SEMA6D: variants seen among roughly 807,000 people sequenced by gnomAD.
SEMA6D encodes semaphorin-6D.
SEMA6D carries 35 observed loss-of-function variants against 106.6 expected under a neutral mutation model. That is an observed-to-expected ratio of 0.33 (90% confidence interval 0.25 to 0.44). SEMA6D has a LOEUF of 0.44. Among genes scored for constraint, SEMA6D ranks in the 20% least tolerant of loss-of-function variants. The pLI, the probability that SEMA6D is intolerant of heterozygous loss-of-function variation, is 1.00. For synonymous variants in SEMA6D, 499 were observed against 487.7 expected, an observed-to-expected ratio of 1.02 and a Z score of -0.31; for missense variants, 1,185 against 1,345.9, an observed-to-expected ratio of 0.88 and a Z score of 1.87.
In SEMA6D at chr15:47,587,584, A is replaced by G. The variant is rs1022173986; in HGVS notation, c.-86-13281A>G. ...AGTGATCCGAAGCCAGGGCTGGCACATGTTTTCTCTAAAGGACAAGCTAGT... is the reference window on the plus strand; with the variant it reads ...AGTGATCCGAAGCCAGGGCTGGCACGTGTTTTCTCTAAAGGACAAGCTAGT... On this transcript the variant is annotated intron_variant, in intron 3 of 19. Transcript: ENST00000558014. 6.6e-5 allele frequency among the ~76,000 whole-genome samples: 10 copies of G among 152,270 alleles called. No homozygotes were observed. The East Asian group carries it at 1.2e-3, about 18-fold the overall frequency.
chr15:47,246,763 A>G (rs1228867031), intron 1 of SEMA6D, among the ~76,000 whole-genome samples: 1 of 152,130 alleles, frequency 6.6e-6, no homozygotes, highest in East Asian at 1.9e-4. Flanking sequence ...CTTAACTCTA[A>G]TCACATCTGC....
intron 3 of SEMA6D, among the ~76,000 whole-genome samples, chr15:47,505,050 T>A (rs764107163): frequency 6.6e-6 from 1 of 152,122 alleles, no homozygotes; most frequent in Non-Finnish European, 1.5e-5. Context: ...AGTGGCTCAG[T>A]GTGGCTGTTT....
At chr15:47,540,782 A>C (rs1474722229) in intron 3 of SEMA6D, among the ~76,000 whole-genome samples, 1 of 152,202 alleles carries the variant, frequency 6.6e-6, no homozygotes, top group East Asian at 1.9e-4. Context: ...GGAATTCTTC[A>C]AAAGGAAGGT....
At chr15:47,373,474 A>T (rs887786061) in intron 1 of SEMA6D, among the ~76,000 whole-genome samples, 8 of 152,268 alleles carry the variant, frequency 5.3e-5, no homozygotes, top group Middle Eastern at 3.4e-3. Flanking sequence ...AAGAGGGAGG[A>T]GAACCCAATG....
At chr15:47,543,432 C>T (rs750455534) in intron 3 of SEMA6D, among the ~76,000 whole-genome samples, 1 of 152,106 alleles carries the variant, frequency 6.6e-6, no homozygotes, top group East Asian at 1.9e-4. Flanking sequence ...TCTTGCCTGC[C>T]ACCATGTAAG....
At chr15:47,261,608 T>TA (rs2034078409) in intron 1 of SEMA6D, among the ~76,000 whole-genome samples, 1 of 152,140 alleles carries the variant, frequency 6.6e-6, no homozygotes, top group Non-Finnish European at 1.5e-5. Flanking sequence ...CCACAGTTGA[T>TA]TTTAAAACAT....
intron 4 of SEMA6D, among the ~76,000 whole-genome samples, chr15:47,628,253 A>AT (rs1304846957): frequency 6.6e-6 from 1 of 151,098 alleles, no homozygotes; most frequent in Non-Finnish European, 1.5e-5. Flanking sequence ...TTATGTGAAC[A>AT]TTTTTTTCAT....
At chr15:47,433,747 C>T (rs1199605230) in intron 2 of SEMA6D, among the ~76,000 whole-genome samples, 2 of 152,008 alleles carry the variant, frequency 1.3e-5, no homozygotes, top group Non-Finnish European at 2.9e-5. Context: ...AAAAACACCA[C>T]CAAAACTTTG....
In SEMA6D at chr15:47,547,831, A is replaced by G. The variant is rs1361462450; in HGVS notation, c.-86-53034A>G. Among the ~76,000 whole-genome samples the G allele has an allele frequency of 3.9e-5, 6 of 152,166 alleles. 1 individual carries two copies. The highest frequency in any genetic ancestry group is 8.8e-5 in the Non-Finnish European group (6 of 68,020). ...TACCTACATGAAAGTAATCAAAATG[A>G]AGTCAAGTTGCAGCTCACTGTGGCT... On this transcript the variant is annotated intron_variant, in intron 3 of 19. Transcript: ENST00000558014.
intron 1 of SEMA6D, among the ~76,000 whole-genome samples, chr15:47,738,518 T>C (rs1349271761): frequency 6.6e-6 from 1 of 152,158 alleles, no homozygotes; most frequent in South Asian, 2.1e-4. Flanking sequence ...GTTTGACACA[T>C]AGAAAAGCAA....
chr15:47,242,371 G>A (rs1189925323), intron 1 of SEMA6D, among the ~76,000 whole-genome samples: 1 of 152,086 alleles, frequency 6.6e-6, no homozygotes, highest in African/African-American at 2.4e-5. Flanking sequence ...CTTTACCAAG[G>A]TTTTAAATGC....
intron 1 of SEMA6D, among the ~76,000 whole-genome samples, chr15:47,200,647 TA>T (rs1454975725): frequency 6.6e-6 from 1 of 152,194 alleles, no homozygotes; most frequent in Non-Finnish European, 1.5e-5. Context: ...TAAAAGTTTC[TA>T]TCTGGTATTA....
chr15:47,763,909 C>T lies in SEMA6D; in HGVS notation c.807C>T (p.Val269=). The T allele has an allele frequency of 6.2e-7, 1 of 1,613,902 alleles. No individual in the cohort carries two copies. Among genetic ancestry groups the T allele is most frequent in the Non-Finnish European group, 8.5e-7 (1 of 1,179,890 alleles). The part of the protein sequence containing the change: ...CKNDMGGSQR[V]LEKHWTSFLK... ...ACGACATGGGTGGTTCCCAGCGGGT[C>T]CTGGAGAAACACTGGACTTCATTTC... Residue 269 remains valine (V), a synonymous_variant, in exon 10 of 19, where the codon GTC becomes GTT. Transcript: ENST00000536845.
At chr15:47,599,955 A>C (rs2143372274) in intron 3 of SEMA6D, among the ~76,000 whole-genome samples, 1 of 152,142 alleles carries the variant, frequency 6.6e-6, no homozygotes, top group Non-Finnish European at 1.5e-5. Flanking sequence ...GGAGAGGAAA[A>C]GCTTCCAGTT....
intron 1 of SEMA6D, among the ~76,000 whole-genome samples, chr15:47,344,405 T>C (rs1595778505): frequency 6.6e-6 from 1 of 152,118 alleles, no homozygotes; most frequent in Non-Finnish European, 1.5e-5. Flanking sequence ...AGATACTGTA[T>C]GTCAAGTAGT....
At chr15:47,440,537 C>A (rs563674381) in intron 2 of SEMA6D, among the ~76,000 whole-genome samples, 4 of 151,950 alleles carry the variant, frequency 2.6e-5, no homozygotes, top group African/African-American at 9.6e-5. Context: ...AACACAAGAC[C>A]CCCAGCTAAA....
chr15:47,572,129 AG>A, intron 3 of SEMA6D, among the ~76,000 whole-genome samples: 1 of 152,324 alleles, frequency 6.6e-6, no homozygotes, highest in South Asian at 2.1e-4. Flanking sequence ...TGAAAGTAAA[AG>A]CCATTGGGTC....
At chr15:47,730,875 T>G in intron 1 of SEMA6D, 8 of 1,095,610 alleles carry the variant, frequency 7.3e-6, no homozygotes, top group South Asian at 6.3e-5. Flanking sequence ...GCCTCCTGCT[T>G]CTTCACGACT....
intron 4 of SEMA6D, among the ~76,000 whole-genome samples, chr15:47,622,168 T>G (rs948919985): frequency 6.6e-6 from 1 of 150,888 alleles, no homozygotes; most frequent in African/African-American, 2.4e-5. Context: ...CAGTGAGTCT[T>G]TTGAATCTAT....
Sources: gnomAD v4.1 joint callset for allele counts (sites outside exome capture counted in the v4.1 genomes callset) on GRCh38, gnomAD v4.1.1 for gene constraint, MANE v1.5 for transcripts, NCBI Gene and HGNC (gene_info 2026-07-23, HGNC 2026-07-21) for gene names.